The following HS2ST1 variants were observed in gnomAD, a reference collection of about 807,000 sequenced individuals.
HS2ST1 encodes the protein heparan sulfate 2-O-sulfotransferase 1.
In HS2ST1, 18 loss-of-function variants were observed where a neutral mutation model predicts 42.9. The observed-to-expected ratio is 0.42, with a 90% CI of 0.29 to 0.62. The LOEUF is 0.62. HS2ST1 is among the 20% of genes least tolerant of loss of function. The pLI is 0.21. For synonymous variants in HS2ST1, 146 were observed against 152.9 expected (o/e 0.95, Z 0.33); for missense variants, 334 against 433.8 (o/e 0.77, Z 2.04).
intron 1 of HS2ST1, among the ~76,000 whole-genome samples, chr1:86,917,568 G>A (rs1660189885): frequency 6.6e-6 from 1 of 151,818 alleles, no homozygotes; most frequent in Non-Finnish European, 1.5e-5. Context: ...GCAGATGCAG[G>A]AACAGGCTTA....
chr1:87,094,780 C>T (rs1037240333), intron 4 of HS2ST1, among the ~76,000 whole-genome samples: 5 of 152,070 alleles, frequency 3.3e-5, no homozygotes, highest in African/African-American at 1.2e-4. Flanking sequence ...CTGTTCTTCA[C>T]CCTGACTATA....
At chr1:87,023,270 T>C (rs887197399) in intron 1 of HS2ST1, among the ~76,000 whole-genome samples, 5 of 152,172 alleles carry the variant, frequency 3.3e-5, no homozygotes, top group African/African-American at 1.2e-4. Flanking sequence ...TAACGACTTA[T>C]GCAAAATGAT....
chr1:87,081,034 C>T (rs1442459797), intron 2 of HS2ST1, among the ~76,000 whole-genome samples: 1 of 152,072 alleles, frequency 6.6e-6, no homozygotes, highest in African/African-American at 2.4e-5. Context: ...TACGTCTGTC[C>T]AACACTGGAG....
At chr1:87,085,176 G>A (rs1353155143) in intron 3 of HS2ST1, among the ~76,000 whole-genome samples, 3 of 152,050 alleles carry the variant, frequency 2.0e-5, no homozygotes, top group Admixed American at 2.0e-4. Flanking sequence ...CTAAGATTCT[G>A]CATTAACTTC....
intron 1 of HS2ST1, among the ~76,000 whole-genome samples, chr1:86,917,982 G>A (rs1243126936): frequency 2.0e-5 from 3 of 152,118 alleles, no homozygotes; most frequent in East Asian, 1.9e-4. Context: ...TGTTAAAAAA[G>A]CATTTTTATT....
chr1:87,067,522 TG>T (rs1273905496), intron 1 of HS2ST1, among the ~76,000 whole-genome samples: 1 of 152,228 alleles, frequency 6.6e-6, no homozygotes, highest in Non-Finnish European at 1.5e-5. Context: ...GTAGGTTGCC[TG>T]TTCACTCTGA....
In HS2ST1 at chr1:87,015,749, T is replaced by A. The variant is rs140504593; in HGVS notation, c.125-57185T>A. On this transcript the variant is annotated intron_variant, in intron 1 of 6. Coordinates refer to ENST00000370550, the MANE Select transcript of HS2ST1 (RefSeq NM_012262.4). ...CATTTCTGGTTTAGAGTGATATTAT[T>A]TTGAATTTCTACCATAGAATTGAAA... 4.3e-3 allele frequency among the ~76,000 whole-genome samples: 651 copies of A among 152,316 alleles called. 4 individuals carry two copies. The highest frequency in any genetic ancestry group is 0.015 in the African/African-American group (620 of 41,582).
chr1:87,058,056 G>C (rs1651022456), intron 1 of HS2ST1, among the ~76,000 whole-genome samples: 1 of 151,486 alleles, frequency 6.6e-6, no homozygotes, highest in Non-Finnish European at 1.5e-5. Flanking sequence ...GTGGGTGGAG[G>C]GAGTCCAAAA....
At chr1:87,088,968 CA>C (rs1456814958) in intron 3 of HS2ST1, among the ~76,000 whole-genome samples, 1 of 151,964 alleles carries the variant, frequency 6.6e-6, no homozygotes, top group Non-Finnish European at 1.5e-5. Flanking sequence ...ATGTCTCCAG[CA>C]AGATTGTTGC....
rs377633388 is a variant in HS2ST1, at chr1:86,964,465, G to A, written c.124+49305G>A. 3.9e-4 allele frequency among the ~76,000 whole-genome samples: 60 copies of A among 152,320 alleles called. No homozygotes were observed. The East Asian group carries it at 9.1e-3, about 23-fold the overall frequency. ...AGCCCGGCCAACACAGCGAAACCCC[G>A]TCTCCACCAAAAAAATACGAAAACC... On this transcript the variant is annotated intron_variant, in intron 1 of 6. Transcript: ENST00000370550.
Position 86,914,711 on chromosome 1 carries a change from C to G in HS2ST1, c.-326C>G, listed in dbSNP as rs998407025. The G allele has an allele frequency of 3.1e-6, 1 of 320,450 alleles. No individual in the cohort carries two copies. Among genetic ancestry groups the G allele is most frequent in the Non-Finnish European group, 5.8e-6 (1 of 172,028 alleles). 19.9% of individuals were successfully genotyped at this position (320,450 alleles called of 1,614,324 possible). ...GAAGGAAGGAAGAGAGGGAGGCGGGCAAGCAGGCGGGCGCGGGGGTCGGGG... is the reference window on the plus strand; with the variant it reads ...GAAGGAAGGAAGAGAGGGAGGCGGGGAAGCAGGCGGGCGCGGGGGTCGGGG... On this transcript the variant is annotated 5_prime_UTR_variant, in exon 1 of 7. Coordinates refer to ENST00000370550, the MANE Select transcript of HS2ST1 (RefSeq NM_012262.4).
chr1:87,053,206 G>A (rs562597989), intron 1 of HS2ST1, among the ~76,000 whole-genome samples: 19 of 152,280 alleles, frequency 1.2e-4, no homozygotes, highest in Admixed American at 7.2e-4. Flanking sequence ...AGTGAGTGGA[G>A]CACCAGGTGC....
chr1:87,040,438 A>T (rs6693974), intron 1 of HS2ST1, among the ~76,000 whole-genome samples: 1 of 151,680 alleles, frequency 6.6e-6, no homozygotes, highest in Non-Finnish European at 1.5e-5. Context: ...TGAAGTACCT[A>T]TATCTTTAAA....
chr1:86,960,048 A>T (rs1647788805), intron 1 of HS2ST1, among the ~76,000 whole-genome samples: 2 of 152,340 alleles, frequency 1.3e-5, no homozygotes, highest in Non-Finnish European at 2.9e-5. Context: ...AAGCCACAGT[A>T]ATCAAGACAT....
intron 1 of HS2ST1, among the ~76,000 whole-genome samples, chr1:86,946,432 C>T (rs1174091819): frequency 6.6e-6 from 1 of 152,208 alleles, no homozygotes; most frequent in Non-Finnish European, 1.5e-5. Flanking sequence ...AACTACACTA[C>T]TTCCAGTGTT....
chr1:87,036,201 A>G (rs543779714), intron 1 of HS2ST1, among the ~76,000 whole-genome samples: 4 of 152,166 alleles, frequency 2.6e-5, no homozygotes, highest in Non-Finnish European at 5.9e-5. Flanking sequence ...CCAGTCTATC[A>G]TTGATGGGCA....
At chr1:87,088,399 C>T (rs1431435888) in intron 3 of HS2ST1, among the ~76,000 whole-genome samples, 3 of 152,016 alleles carry the variant, frequency 2.0e-5, no homozygotes, top group Non-Finnish European at 4.4e-5. Flanking sequence ...ATGCACATAT[C>T]AGTAGTTAGT....
At chr1:86,982,230 TA>T (rs2102221313) in intron 1 of HS2ST1, among the ~76,000 whole-genome samples, 1 of 152,320 alleles carries the variant, frequency 6.6e-6, no homozygotes, top group South Asian at 2.1e-4. Context: ...TGTTCCTTCT[TA>T]GGCCTCTGGG....
intron 1 of HS2ST1, among the ~76,000 whole-genome samples, chr1:86,980,399 T>C (rs1648543575): frequency 6.6e-6 from 1 of 152,202 alleles, no homozygotes; most frequent in East Asian, 1.9e-4. Flanking sequence ...TAACCTCATT[T>C]TTAAAAATGC....
Sources: gnomAD v4.1 joint callset for allele counts (sites outside exome capture counted in the v4.1 genomes callset) on GRCh38, gnomAD v4.1.1 for gene constraint, MANE v1.5 for transcripts, NCBI Gene and HGNC (gene_info 2026-07-23, HGNC 2026-07-21) for gene names.